The following ZYG11A variants were observed in gnomAD, a reference collection of about 807,000 sequenced individuals.
ZYG11A encodes zyg-11 family member A, cell cycle regulator.
In ZYG11A, 62 loss-of-function variants were observed where a neutral mutation model predicts 77.2. The ratio of observed to expected loss-of-function variants is 0.80; its 90% confidence interval spans 0.65 to 0.99. ZYG11A has a LOEUF of 0.99. Ranked by LOEUF, ZYG11A falls within the 50% of genes least tolerant of loss-of-function variation. The pLI, the probability that ZYG11A is intolerant of heterozygous loss-of-function variation, is 0.00. For missense variants in ZYG11A, 828 were observed against 896.8 expected (o/e 0.92, Z 0.98); for synonymous variants, 315 against 324.6 (o/e 0.97, Z 0.32).
chr1:52,877,766 C>G lies in ZYG11A; in HGVS notation c.1627C>G (p.Leu543Val). 1 of 1,551,950 alleles carries G rather than the reference C, an allele frequency of 6.4e-7. No individual in the cohort carries two copies. Among genetic ancestry groups the G allele is most frequent in the Non-Finnish European group, 8.7e-7 (1 of 1,147,028 alleles). ...GTTTACTTTGAAAGCACTTTGGAAT[C>G]TTACAGATGGGTCTCCAGCTGCCTG... ...FLFTLKALWNLTDGSPAACKH... is the reference protein window; with the variant it reads ...FLFTLKALWNVTDGSPAACKH... Residue 543 changes from leucine (L) to valine (V), a missense_variant, in exon 9 of 14, where the codon CTT (leucine) becomes GTT (valine). Coordinates refer to ENST00000371528, the MANE Select transcript of ZYG11A (RefSeq NM_001004339.3).
intron 5 of ZYG11A, among the ~76,000 whole-genome samples, chr1:52,864,976 T>A (rs1215448455): frequency 2.6e-5 from 4 of 152,158 alleles, no homozygotes; most frequent in East Asian, 1.9e-4. Context: ...TTTTATTATT[T>A]TTTTTGAGAC....
At chr1:52,858,285 A>G (rs1645856665) in intron 3 of ZYG11A, among the ~76,000 whole-genome samples, 6 of 149,620 alleles carry the variant, frequency 4.0e-5, no homozygotes, top group Admixed American at 4.0e-4. Flanking sequence ...AGTCCCAGCT[A>G]CTTGGGAGGC....
chr1:52,849,494 A>T (rs1282274790), intron 1 of ZYG11A, among the ~76,000 whole-genome samples: 1 of 151,056 alleles, frequency 6.6e-6, no homozygotes, highest in Non-Finnish European at 1.5e-5. Flanking sequence ...CCTCCTGAGT[A>T]GCTGGGATTT....
At chr1:52,867,367 A>G (rs530903578) in intron 6 of ZYG11A, among the ~76,000 whole-genome samples, 172 bp from the exon 7 acceptor site, 1 of 152,120 alleles carries the variant, frequency 6.6e-6, no homozygotes, top group South Asian at 2.1e-4. Flanking sequence ...ATACTCTCCT[A>G]TCCCCTGCCT....
chr1:52,866,566 A>G lies in ZYG11A; in HGVS notation c.1390A>G (p.Arg464Gly). ...SRILVDVPFD[R>G]FDAAKFVMRW... ...GATTCTTGTGGATGTTCCATTTGAC[A>G]GGCAAGTATAAGACTTGGTCATTTG... The change falls in exon 6 of 14, where the codon AGG (arginine) becomes GGG (glycine). Residue 464 changes from arginine (R) to glycine (G), a missense_variant and splice_region_variant. Coordinates refer to ENST00000371528, the MANE Select transcript of ZYG11A (RefSeq NM_001004339.3). The G allele has an allele frequency of 6.5e-7, 1 of 1,535,550 alleles. No homozygotes were observed. The highest frequency in any genetic ancestry group is 8.8e-7 in the Non-Finnish European group (1 of 1,132,768).
At chr1:52,857,853 TA>T in intron 3 of ZYG11A, 104 bp downstream of exon 3, 5 of 969,420 alleles carry the variant, frequency 5.2e-6, no homozygotes, top group Admixed American at 3.5e-5. Context: ...CAGAGACAGA[TA>T]AAAAAATCCT....
chr1:52,843,115 C>A, intron 1 of ZYG11A, 142 bp downstream of exon 1: 1 of 641,234 alleles, frequency 1.6e-6, no homozygotes, highest in Non-Finnish European at 2.3e-6. Flanking sequence ...TGCCGAGCCC[C>A]TTCCAGGCGC....
At chr1:52,844,162 G>A (rs775716767) in intron 1 of ZYG11A, among the ~76,000 whole-genome samples, 12 of 152,160 alleles carry the variant, frequency 7.9e-5, no homozygotes, top group Non-Finnish European at 1.3e-4. Flanking sequence ...AACCCGCCAA[G>A]GGCCACCCTT....
intron 1 of ZYG11A, among the ~76,000 whole-genome samples, chr1:52,843,558 C>CCCCCGTCCCCGTCCCGT (rs1553266574): frequency 6.8e-6 from 1 of 146,524 alleles, no homozygotes; most frequent in African/African-American, 2.8e-5. Context: ...CGCGCGTCCG[C>CCCCCGTCCCCGTCCCGT]CCCCGTCCCC....
chr1:52,846,281 T>G (rs187768614), intron 1 of ZYG11A, among the ~76,000 whole-genome samples: 1 of 143,068 alleles, frequency 7.0e-6, no homozygotes, highest in Non-Finnish European at 1.5e-5. Flanking sequence ...AGTTTTTAGT[T>G]CTTTTGGAAA....
chr1:52,875,810 T>C (rs1646251580), intron 8 of ZYG11A, among the ~76,000 whole-genome samples: 2 of 150,176 alleles, frequency 1.3e-5, no homozygotes, highest in Non-Finnish European at 3.0e-5. Context: ...CAAATGCAAG[T>C]AGGTTGGTAG....
At chr1:52,889,972 C>T (rs1168612648) in intron 13 of ZYG11A, among the ~76,000 whole-genome samples, 1 of 151,630 alleles carries the variant, frequency 6.6e-6, no homozygotes, top group East Asian at 1.9e-4. Flanking sequence ...CTTGGCCTCC[C>T]AAAGTGCTGG....
rs1369399390 is a variant in ZYG11A at position 52,881,816 on chromosome 1, T to G, written c.1944+151T>G. 5.1e-6 allele frequency: 3 copies of G among 589,864 alleles called. No homozygotes were observed. In the African/African-American group the frequency reaches 5.7e-5, roughly 11 times the overall value. The allele number at this position is 589,864 out of a possible 1,614,324, so 36.5% of individuals were successfully genotyped here. On this transcript the variant is annotated intron_variant, in intron 11 of 13. Coordinates refer to ENST00000371528, the MANE Select transcript of ZYG11A (RefSeq NM_001004339.3). ...CCATATCTTTCCATCCAAAACTATC[T>G]CTGTTAACATTTTGTTGCATATGAC...
intron 2 of ZYG11A, 41 bp downstream of exon 2, chr1:52,854,671 T>G (rs1294866611): frequency 7.0e-7 from 1 of 1,438,236 alleles, no homozygotes; most frequent in Admixed American, 2.6e-5. Flanking sequence ...TTGCAGTACT[T>G]TACTATTTGA....
At chr1:52,848,327 C>A (rs979790106) in intron 1 of ZYG11A, among the ~76,000 whole-genome samples, 2 of 152,148 alleles carry the variant, frequency 1.3e-5, no homozygotes, top group African/African-American at 4.8e-5. Context: ...GGTGACAATT[C>A]AGTGATCATA....
intron 1 of ZYG11A, among the ~76,000 whole-genome samples, chr1:52,843,419 G>A (rs548960132): frequency 1.6e-4 from 24 of 152,326 alleles, no homozygotes; most frequent in African/African-American, 5.3e-4. Flanking sequence ...CCCGTGTTGT[G>A]GACGCAGCGC....
At chr1:52,848,939 GAATT>G (rs1292114671) in intron 1 of ZYG11A, among the ~76,000 whole-genome samples, 3 of 152,200 alleles carry the variant, frequency 2.0e-5, no homozygotes, top group African/African-American at 2.4e-5. Flanking sequence ...TGCACCCAGT[GAATT>G]AATTAACTAT....
intron 10 of ZYG11A, among the ~76,000 whole-genome samples, chr1:52,879,807 G>T (rs1646331974): frequency 6.6e-6 from 1 of 151,116 alleles, no homozygotes; most frequent in Admixed American, 6.6e-5. Flanking sequence ...TTGTCACCCA[G>T]GCTGGAGTGC....
intron 3 of ZYG11A, among the ~76,000 whole-genome samples, chr1:52,858,617 T>A (rs1188634022): frequency 6.7e-6 from 1 of 148,304 alleles, no homozygotes; most frequent in Non-Finnish European, 1.5e-5. Flanking sequence ...ATTATTATTA[T>A]TATTTTTTTT....
Sources: gnomAD v4.1 joint callset for allele counts (sites outside exome capture counted in the v4.1 genomes callset) on GRCh38, gnomAD v4.1.1 for gene constraint, MANE v1.5 for transcripts, NCBI Gene and HGNC (gene_info 2026-07-23, HGNC 2026-07-21) for gene names.